The following RGS3 variants were observed in gnomAD, a reference collection of about 807,000 sequenced individuals.
RGS3 encodes regulator of G protein signaling 3.
Under a neutral mutation model 132.6 loss-of-function variants are expected in RGS3, and 80 were observed. The ratio of observed to expected loss-of-function variants is 0.60; its 90% CI spans 0.50 to 0.73. The LOEUF is 0.73. RGS3 is among the 30% of genes least tolerant of loss of function. The pLI is 0.00. For synonymous variants in RGS3, 598 were observed against 620.6 expected (o/e 0.96, Z 0.54); for missense variants, 1,382 against 1,530.8 (o/e 0.90, Z 1.62).
At chr9:113,584,558 C>G (rs1042935816) in intron 20 of RGS3, 131 bp downstream of exon 18, 16 of 1,038,298 alleles carry the variant, frequency 1.5e-5, no homozygotes, top group Admixed American at 6.5e-5. Context: ...AACTTTCCAC[C>G]TGTTGGACAG....
At chr9:113,519,404 G>T (rs982913330) in intron 16 of RGS3, among the ~76,000 whole-genome samples, 6 of 150,946 alleles carry the variant, frequency 4.0e-5, no homozygotes, top group Non-Finnish European at 7.4e-5. Context: ...AAGATTGAAG[G>T]AAACAATTTG....
intron 18 of RGS3, among the ~76,000 whole-genome samples, chr9:113,530,187 A>C (rs1197248251): frequency 6.6e-6 from 1 of 152,230 alleles, no homozygotes; most frequent in African/African-American, 2.4e-5. Flanking sequence ...TTGAGAAGGA[A>C]CTGTACACAG....
chr9:113,516,579 G>A (rs1236556678), intron 15 of RGS3, among the ~76,000 whole-genome samples: 1 of 151,888 alleles, frequency 6.6e-6, no homozygotes, highest in Non-Finnish European at 1.5e-5. Context: ...GGCTGGTCTC[G>A]AACTCCTGAC....
chr9:113,544,119 A>G (rs1051901828), intron 19 of RGS3, among the ~76,000 whole-genome samples: 1 of 152,182 alleles, frequency 6.6e-6, no homozygotes. Context: ...AATCATGCTA[A>G]GAAGCACACA....
intron 6 of RGS3, 112 bp downstream of exon 4, chr9:113,484,344 A>AC (rs1471476156): frequency 1.2e-5 from 6 of 499,396 alleles, no homozygotes; most frequent in South Asian, 4.7e-5. Flanking sequence ...AAAAAAAAAA[A>AC]AAAAACCAAA....
chr9:113,584,222 T>A (rs147917392), exon 20 of RGS3: 2 of 1,613,684 alleles, frequency 1.2e-6, no homozygotes, highest in Non-Finnish European at 1.7e-6. Flanking sequence ...CAGAACTCGC[T>A]GCGGCGCCGG....
intron 19 of RGS3, among the ~76,000 whole-genome samples, chr9:113,575,316 G>T (rs936449266): frequency 1.3e-5 from 2 of 152,176 alleles, no homozygotes; most frequent in African/African-American, 4.8e-5. Flanking sequence ...CTGCGCGGGG[G>T]TGAGCTAACC....
chr9:113,448,834 A>G (rs1233073905), intron 1 of RGS3, among the ~76,000 whole-genome samples: 1 of 152,240 alleles, frequency 6.6e-6, no homozygotes, highest in East Asian at 1.9e-4. Flanking sequence ...AGAAAGAACT[A>G]CAGTGATGAG....
At chr9:113,556,892 T>G (rs1170910960) in intron 19 of RGS3, among the ~76,000 whole-genome samples, 1 of 152,226 alleles carries the variant, frequency 6.6e-6, no homozygotes. Context: ...GGCCTCCTCT[T>G]TGTCCCTGGG....
chr9:113,474,906 T>C (rs76924722), intron 3 of RGS3, among the ~76,000 whole-genome samples: 13,170 of 152,216 alleles, frequency 0.087, 655 homozygotes, highest in Non-Finnish European at 0.097. Context: ...ATCTACTTCC[T>C]TTATTTTCTG....
At chr9:113,578,815 A>G (rs1834652592) in intron 19 of RGS3, among the ~76,000 whole-genome samples, 1 of 152,176 alleles carries the variant, frequency 6.6e-6, no homozygotes, top group African/African-American at 2.4e-5. Flanking sequence ...CCTTTCTCAA[A>G]GGACTTTACA....
intron 14 of RGS3, among the ~76,000 whole-genome samples, chr9:113,512,647 G>C (rs1831457999): frequency 6.6e-6 from 1 of 152,150 alleles, no homozygotes; most frequent in Non-Finnish European, 1.5e-5. Context: ...GCTGGGGTCA[G>C]GCCACCTGTT....
At chr9:113,588,984 T>C (rs963964342) in intron 20 of RGS3, 1 of 152,236 alleles carries the variant, frequency 6.6e-6, no homozygotes, top group Admixed American at 6.5e-5. Context: ...GTAAGAATTA[T>C]AATTATTGTT....
intron 3 of RGS3, among the ~76,000 whole-genome samples, 188 bp downstream of exon 1, chr9:113,464,069 C>CTT (rs1829550700): frequency 6.6e-6 from 1 of 152,240 alleles, no homozygotes. Context: ...TCCAAGCAAG[C>CTT]TGCTGGACAC....
intron 3 of RGS3, among the ~76,000 whole-genome samples, chr9:113,475,442 A>G (rs1378798580): frequency 6.6e-6 from 1 of 152,182 alleles, no homozygotes; most frequent in African/African-American, 2.4e-5. Flanking sequence ...GTCTGGCTCT[A>G]TCATCCAGGC....
chr9:113,583,264 A>T, intron 19 of RGS3, 186 bp from the exon 18 acceptor site: 1 of 1,054,864 alleles, frequency 9.5e-7, no homozygotes, highest in Middle Eastern at 3.1e-4. Context: ...TCAAGCAAGA[A>T]GACAGGGTGA....
At chr9:113,517,684 CAGG>C (rs1035848206) in intron 16 of RGS3, 60 bp downstream of exon 14, 163 of 1,312,120 alleles carry the variant, frequency 1.2e-4, no homozygotes, top group Non-Finnish European at 1.7e-4. Context: ...TGGCATTCTC[CAGG>C]CCCCTCACTT....
chr9:113,564,033 G>A (rs991655164), intron 19 of RGS3, among the ~76,000 whole-genome samples: 2 of 152,114 alleles, frequency 1.3e-5, no homozygotes, highest in Non-Finnish European at 2.9e-5. Context: ...GCCACAAGTT[G>A]GGCATTCCCA....
chr9:113,517,517 C>T, intron 15 of RGS3, 24 bp from the exon 14 acceptor site: 4 of 1,604,248 alleles, frequency 2.5e-6, no homozygotes, highest in Non-Finnish European at 3.4e-6. Flanking sequence ...TTTGAACTGC[C>T]CACTCAGCCT....
Sources: allele counts gnomAD v4.1 joint callset (sites outside exome capture counted in the v4.1 genomes callset), GRCh38; gene constraint gnomAD v4.1.1; transcripts MANE v1.5; gene names NCBI Gene and HGNC (gene_info 2026-07-23, HGNC 2026-07-21).